The following FGGY variants were observed in gnomAD, a reference collection of about 807,000 sequenced individuals.
FGGY encodes FGGY carbohydrate kinase domain containing.
In FGGY, 72 loss-of-function variants were observed where a neutral mutation model predicts 71.3. The ratio of observed to expected loss-of-function variants is 1.01; its 90% CI spans 0.84 to 1.23. The LOEUF (loss-of-function observed/expected upper bound fraction) is 1.23, where lower values mean the gene tolerates loss of function less well. Among genes scored for constraint, FGGY ranks in the 50% most tolerant of loss-of-function variants. The pLI, the probability that FGGY is intolerant of heterozygous loss-of-function variation, is 0.00. For missense variants in FGGY, 668 were observed against 682.3 expected (o/e 0.98, Z 0.23); for synonymous variants, 251 against 250.3 (o/e 1.00, Z -0.02).
At chr1:59,362,529 A>G (rs890015128) in intron 4 of FGGY, among the ~76,000 whole-genome samples, 3 of 152,152 alleles carry the variant, frequency 2.0e-5, no homozygotes, top group Admixed American at 6.5e-5. Flanking sequence ...AGCTTCTCAT[A>G]GTTCCTTCTC....
chr1:59,374,367 C>A (rs1334166301), intron 4 of FGGY, among the ~76,000 whole-genome samples: 1 of 152,198 alleles, frequency 6.6e-6, no homozygotes, highest in Non-Finnish European at 1.5e-5. Flanking sequence ...TCATCTCACA[C>A]CAGTTAGAAT....
intron 2 of FGGY, among the ~76,000 whole-genome samples, chr1:59,326,392 C>T (rs558766187): frequency 3.3e-5 from 5 of 152,228 alleles, no homozygotes; most frequent in South Asian, 2.1e-4. Flanking sequence ...AGCCACATGT[C>T]GGGTTGAGCA....
At chr1:59,426,331 G>T (rs558722303) in intron 5 of FGGY, among the ~76,000 whole-genome samples, 38 of 152,238 alleles carry the variant, frequency 2.5e-4, no homozygotes, top group African/African-American at 8.9e-4. Context: ...ATGGCATAGA[G>T]GGTCCTGGAA....
At chr1:59,562,194 A>G (rs1484505151) in intron 8 of FGGY, among the ~76,000 whole-genome samples, 1 of 152,268 alleles carries the variant, frequency 6.6e-6, no homozygotes, top group Non-Finnish European at 1.5e-5. Context: ...ATACCAACAA[A>G]TAAAGCTTTG....
intron 14 of FGGY, among the ~76,000 whole-genome samples, chr1:59,719,754 T>G (rs1346327743): frequency 6.6e-6 from 1 of 152,204 alleles, no homozygotes; most frequent in Admixed American, 6.5e-5. Flanking sequence ...CTAGGCATTT[T>G]AGGAACATTC....
intron 2 of FGGY, among the ~76,000 whole-genome samples, chr1:59,326,649 T>A (rs1217554171): frequency 6.6e-6 from 1 of 152,252 alleles, no homozygotes; most frequent in Admixed American, 6.5e-5. Flanking sequence ...ATATTTTGCA[T>A]GGAATATTAT....
At chr1:59,745,376 T>C (rs893700597) in intron 14 of FGGY, among the ~76,000 whole-genome samples, 1 of 152,212 alleles carries the variant, frequency 6.6e-6, no homozygotes, top group African/African-American at 2.4e-5. Context: ...CCCAGAGCAG[T>C]TGGCCTAGTG....
At chr1:59,306,593 A>G (rs1273322551) in intron 1 of FGGY, among the ~76,000 whole-genome samples, 2 of 152,162 alleles carry the variant, frequency 1.3e-5, no homozygotes, top group African/African-American at 4.8e-5. Context: ...ACTCTACAGG[A>G]AAAGAGGCCT....
At chr1:59,694,133 C>CA (rs1170922287) in intron 14 of FGGY, among the ~76,000 whole-genome samples, 2 of 150,184 alleles carry the variant, frequency 1.3e-5, no homozygotes, top group Non-Finnish European at 3.0e-5. Context: ...ACTAAAAATA[C>CA]AAAAAATTAG....
At chr1:59,543,393 A>C (rs1052129926) in intron 7 of FGGY, among the ~76,000 whole-genome samples, 1 of 142,676 alleles carries the variant, frequency 7.0e-6, no homozygotes, top group Non-Finnish European at 1.5e-5. Flanking sequence ...TTCAGAATCT[A>C]TTTGTCTTTT....
chr1:59,485,191 A>C (rs1184654053), intron 6 of FGGY, among the ~76,000 whole-genome samples: 2 of 152,064 alleles, frequency 1.3e-5, no homozygotes, highest in Admixed American at 1.3e-4. Context: ...AGAATGCTGA[A>C]TGCCCATCTA....
At chr1:59,690,126 T>A (rs1288822145) in intron 14 of FGGY, among the ~76,000 whole-genome samples, 1 of 152,120 alleles carries the variant, frequency 6.6e-6, no homozygotes, top group Non-Finnish European at 1.5e-5. Flanking sequence ...AAAATGGAAA[T>A]TGAAGCAAGT....
chr1:59,558,305 G>A (rs1305421288), intron 8 of FGGY, among the ~76,000 whole-genome samples: 1 of 152,104 alleles, frequency 6.6e-6, no homozygotes, highest in Non-Finnish European at 1.5e-5. Context: ...TCATATTGGG[G>A]GAACCCACCC....
intron 6 of FGGY, among the ~76,000 whole-genome samples, chr1:59,468,284 G>A (rs2092753032): frequency 6.6e-6 from 1 of 152,136 alleles, no homozygotes. Context: ...GGCAATGAAT[G>A]TATTTCCTTA....
At chr1:59,687,070 T>C (rs1394027400) in intron 14 of FGGY, among the ~76,000 whole-genome samples, 1 of 152,244 alleles carries the variant, frequency 6.6e-6, no homozygotes, top group African/African-American at 2.4e-5. Flanking sequence ...GCCTGTTTGC[T>C]CTCAGAGAGT....
intron 15 of FGGY, 110 bp downstream of exon 15, chr1:59,758,102 A>G (rs1354655253): frequency 7.2e-6 from 5 of 696,500 alleles, no homozygotes; most frequent in Non-Finnish European, 9.1e-6. Context: ...CCAGTCCTTT[A>G]ATTTGTGGTT....
intron 8 of FGGY, among the ~76,000 whole-genome samples, chr1:59,556,273 A>AT (rs1352038785): frequency 6.6e-6 from 1 of 152,154 alleles, no homozygotes; most frequent in East Asian, 1.9e-4. Context: ...AATCTCAGGC[A>AT]TTTTTACCCC....
chr1:59,437,607 A>G (rs1432887424), intron 5 of FGGY, among the ~76,000 whole-genome samples: 1 of 152,222 alleles, frequency 6.6e-6, no homozygotes, highest in Non-Finnish European at 1.5e-5. Context: ...CACTGATATT[A>G]TAAATTTACA....
At chr1:59,546,622 G>C (rs1383552775) in intron 7 of FGGY, among the ~76,000 whole-genome samples, 4 of 151,260 alleles carry the variant, frequency 2.6e-5, no homozygotes, top group South Asian at 4.2e-4. Context: ...CTCCGGCTCA[G>C]TGCAAGCTCT....
Sources: allele counts gnomAD v4.1 joint callset (sites outside exome capture counted in the v4.1 genomes callset), GRCh38; gene constraint gnomAD v4.1.1; transcripts MANE v1.5; gene names NCBI Gene and HGNC (gene_info 2026-07-23, HGNC 2026-07-21).